Variants in AKAP12 observed in about 807,000 individuals in gnomAD.
The protein encoded by AKAP12 is A-kinase anchoring protein 12, also known as A-kinase anchor protein 12.
In AKAP12, 32 loss-of-function variants were observed where a neutral mutation model predicts 79.9. That is an observed-to-expected ratio of 0.40 (90% confidence interval 0.30 to 0.54). AKAP12 has a LOEUF of 0.54. Among genes scored for constraint, AKAP12 ranks in the 20% least tolerant of loss-of-function variants. The probability of loss-of-function intolerance (pLI) is 0.48; values close to 1 mark genes in which losing one functional copy is unlikely to be tolerated. For missense variants in AKAP12, 2,074 were observed against 2,177.0 expected, an observed-to-expected ratio of 0.95 and a Z score of 0.94; for synonymous variants, 808 against 857.0, an observed-to-expected ratio of 0.94 and a Z score of 1.00.
At chr6:151,307,078 G>A (rs1201864623) in intron 3 of AKAP12, among the ~76,000 whole-genome samples, 1 of 152,236 alleles carries the variant, frequency 6.6e-6, no homozygotes, top group Non-Finnish European at 1.5e-5. Flanking sequence ...TTCAGGTGGA[G>A]CAGTCACTTG....
chr6:151,241,973 T>C (rs1026654989), intron 2 of AKAP12, among the ~76,000 whole-genome samples: 3 of 152,162 alleles, frequency 2.0e-5, no homozygotes, highest in African/African-American at 7.2e-5. Context: ...GTAAAATCCA[T>C]GGTCCCTAGA....
intron 2 of AKAP12, among the ~76,000 whole-genome samples, chr6:151,300,655 T>C (rs894603597): frequency 2.6e-5 from 4 of 152,082 alleles, no homozygotes; most frequent in Admixed American, 6.5e-5. Context: ...TGGACATTCT[T>C]GGTTGTTGTT....
In AKAP12 at chr6:151,262,432, T is replaced by C. The variant is rs112258121; in HGVS notation, c.162+21708T>C. ...AATGTCTACATAATGCAGTCAACTT[T>C]CCCACACCTTGGGTGTCCTCTAAGA... On this transcript the variant is annotated intron_variant, in intron 2 of 4. Coordinates refer to ENST00000402676, the MANE Select transcript of AKAP12 (RefSeq NM_005100.4). Among the ~76,000 whole-genome samples, 623 of 152,320 alleles carry C rather than the reference T, an allele frequency of 4.1e-3. 4 individuals carry two copies. Among genetic ancestry groups the C allele is most frequent in the African/African-American group, 0.014 (578 of 41,568 alleles).
chr6:151,253,007 T>C (rs1413731321), intron 2 of AKAP12, among the ~76,000 whole-genome samples: 1 of 152,234 alleles, frequency 6.6e-6, no homozygotes, highest in Non-Finnish European at 1.5e-5. Context: ...CTTTGGTTTG[T>C]TGTTCAGAAA....
intron 2 of AKAP12, among the ~76,000 whole-genome samples, chr6:151,262,090 T>C (rs1562711598): frequency 6.6e-6 from 1 of 152,156 alleles, no homozygotes. Context: ...GCTGGGATTA[T>C]AGGCATGTGC....
chr6:151,323,553 CAA>C (rs11391078), intron 3 of AKAP12, among the ~76,000 whole-genome samples: 6 of 135,020 alleles, frequency 4.4e-5, no homozygotes, highest in East Asian at 4.1e-4. Context: ...GACTCCATCT[CAA>C]AAAAAAAAAA....
chr6:151,341,727 C>T (rs912033977), intron 3 of AKAP12: 2 of 1,273,148 alleles, frequency 1.6e-6, no homozygotes, highest in African/African-American at 1.5e-5. Context: ...CGCCCCGCAG[C>T]GATGGCGGAC....
intron 2 of AKAP12, among the ~76,000 whole-genome samples, chr6:151,251,883 C>T (rs10457872): frequency 1.3e-5 from 2 of 151,856 alleles, no homozygotes; most frequent in African/African-American, 4.8e-5. Context: ...TGTAGTCCCA[C>T]CTACCTGGGA....
intron 3 of AKAP12, among the ~76,000 whole-genome samples, chr6:151,331,172 A>G (rs1481835093): frequency 6.6e-6 from 1 of 152,184 alleles, no homozygotes; most frequent in Non-Finnish European, 1.5e-5. Flanking sequence ...ATTTCTTACT[A>G]CATCACTAAA....
At chr6:151,323,450 G>A (rs1254791747) in intron 3 of AKAP12, among the ~76,000 whole-genome samples, 3 of 152,090 alleles carry the variant, frequency 2.0e-5, no homozygotes, top group Non-Finnish European at 4.4e-5. Flanking sequence ...ACTTTTGGGA[G>A]GCTGAGGCAG....
At position 151,349,476 on chromosome 6, in the gene AKAP12, C is replaced by T; in HGVS notation, c.1085C>T (p.Ala362Val). ...GAGCAAGCCCACCCACAGGAGCCGG[C>T]AGAAAGTGCCCACGAGCCCCGGTTA... Reference protein sequence around the residue: ...ASEQAHPQEPAESAHEPRLSA... With the variant: ...ASEQAHPQEPVESAHEPRLSA... The change falls in exon 4 of 5, where the codon GCA (alanine) becomes GTA (valine). Residue 362 changes from alanine (A) to valine (V), a missense_variant. Ala to Val is a moderately conservative substitution (Grantham distance 64). Transcript: ENST00000402676. 1 of 1,606,372 alleles carries T rather than the reference C, an allele frequency of 6.2e-7. No individual in the cohort carries two copies. The highest frequency in any genetic ancestry group is 8.5e-7 in the Non-Finnish European group (1 of 1,177,720).
At chr6:151,240,837 G>T (rs4537159) in intron 2 of AKAP12, 113 bp downstream of exon 2, 3 of 974,738 alleles carry the variant, frequency 3.1e-6, no homozygotes, top group Non-Finnish European at 3.9e-6. Flanking sequence ...CCATCCAGCC[G>T]CATCTGCAAA....
intron 2 of AKAP12, among the ~76,000 whole-genome samples, chr6:151,261,693 C>G (rs1054845059): frequency 6.6e-6 from 1 of 151,308 alleles, no homozygotes; most frequent in Admixed American, 6.6e-5. Flanking sequence ...GAGCCAGACT[C>G]CATCTCAAAA....
At chr6:151,332,277 C>A (rs1340595953) in intron 3 of AKAP12, among the ~76,000 whole-genome samples, 2 of 151,968 alleles carry the variant, frequency 1.3e-5, no homozygotes, top group Non-Finnish European at 2.9e-5. Flanking sequence ...ACCTCGTGAT[C>A]CGCCCGCCTC....
chr6:151,333,595 T>G (rs1449914672), intron 3 of AKAP12, among the ~76,000 whole-genome samples: 2 of 151,844 alleles, frequency 1.3e-5, no homozygotes, highest in African/African-American at 4.8e-5. Flanking sequence ...TACTAAAAAT[T>G]AGCTGGGCAT....
rs372100061 is a variant in AKAP12, at chr6:151,278,858, A to G, written c.163-26889A>G. Among the ~76,000 whole-genome samples, 402 of 151,816 alleles carry G rather than the reference A, an allele frequency of 2.6e-3. 1 individual carries two copies. The highest frequency in any genetic ancestry group is 5.8e-3 in the African/African-American group (242 of 41,434). On this transcript the variant is annotated intron_variant, in intron 2 of 4. Transcript: ENST00000402676. ...AATTTTTTGTATTTTTAGTAGAGACAGGGTTTCACCGTGTTAGCCAGGATG... is the reference window on the plus strand; with the variant it reads ...AATTTTTTGTATTTTTAGTAGAGACGGGGTTTCACCGTGTTAGCCAGGATG...
rs148970612 is a variant in AKAP12, at chr6:151,338,394, G to A, written c.320-10317G>A. ...TGTTCAAAGTATAAGTTCCCTCCCC[G>A]TTTCTACTCATTCCTTATTTGATGT... On this transcript the variant is annotated intron_variant, in intron 3 of 4. Transcript: ENST00000402676. Among the ~76,000 whole-genome samples the A allele has an allele frequency of 3.2e-3, 482 of 150,436 alleles. 2 individuals carry two copies. Among genetic ancestry groups the A allele is most frequent in the African/African-American group, 0.011 (451 of 41,108 alleles).
chr6:151,354,601 T>C (rs1582906146), intron 4 of AKAP12, among the ~76,000 whole-genome samples: 1 of 152,152 alleles, frequency 6.6e-6, no homozygotes, highest in Non-Finnish European at 1.5e-5. Flanking sequence ...CTCGATCTCC[T>C]GACCTCGTGA....
chr6:151,247,321 C>T (rs1797094655), intron 2 of AKAP12, among the ~76,000 whole-genome samples: 1 of 151,970 alleles, frequency 6.6e-6, no homozygotes, highest in African/African-American at 2.4e-5. Context: ...GGATTGCTTC[C>T]ACCCAGGAGT....
Sources: allele counts gnomAD v4.1 joint callset (sites outside exome capture counted in the v4.1 genomes callset), GRCh38; gene constraint gnomAD v4.1.1; transcripts MANE v1.5; gene names NCBI Gene and HGNC (gene_info 2026-07-23, HGNC 2026-07-21).